The following FOXP1 variants were observed in gnomAD, a reference collection of about 807,000 sequenced individuals.
FOXP1 encodes forkhead box protein P1.
A neutral mutation model predicts 98.2 loss-of-function variants in FOXP1; 15 were observed. The ratio of observed to expected loss-of-function variants is 0.15; its 90% CI spans 0.10 to 0.24. The LOEUF is 0.24. Among genes scored for constraint, FOXP1 ranks in the 10% least tolerant of loss-of-function variants. The pLI is 1.00. For synonymous variants in FOXP1, 371 were observed against 314.5 expected, an observed-to-expected ratio of 1.18 and a Z score of -1.90; for missense variants, 633 against 848.5, an observed-to-expected ratio of 0.75 and a Z score of 3.15.
chr3:70,965,215 A>G (rs1211621755), intron 20 of FOXP1, among the ~76,000 whole-genome samples: 1 of 152,182 alleles, frequency 6.6e-6, no homozygotes, highest in Admixed American at 6.5e-5. Context: ...GTTCTCTCCC[A>G]TCACCCACTC....
intron 4 of FOXP1, among the ~76,000 whole-genome samples, chr3:71,314,247 C>T (rs2074912982): frequency 6.6e-6 from 1 of 152,066 alleles, no homozygotes; most frequent in African/African-American, 2.4e-5. Context: ...AAATAGCTGG[C>T]TGGCCAGGCA....
intron 3 of FOXP1, among the ~76,000 whole-genome samples, chr3:71,463,353 T>A (rs866575609): frequency 6.3e-4 from 29 of 45,670 alleles, no homozygotes; most frequent in Admixed American, 1.6e-3. Flanking sequence ...AGACACTGTC[T>A]CAAAAAAAAA....
At chr3:71,247,711 T>C (rs1482164580) in intron 5 of FOXP1, among the ~76,000 whole-genome samples, 1 of 152,188 alleles carries the variant, frequency 6.6e-6, no homozygotes, top group Admixed American at 6.5e-5. Flanking sequence ...TGATTTTTCT[T>C]TTGGGGAAAC....
intron 5 of FOXP1, among the ~76,000 whole-genome samples, chr3:71,204,748 T>TG (rs5849999): frequency 0.85 from 129,357 of 152,010 alleles, 55,070 homozygotes; most frequent in Admixed American, 0.91. Flanking sequence ...GGGCTACTCT[T>TG]AAGAAAAAAA....
intron 3 of FOXP1, among the ~76,000 whole-genome samples, chr3:71,370,404 C>G (rs1267432683): frequency 6.6e-6 from 1 of 152,114 alleles, no homozygotes; most frequent in African/African-American, 2.4e-5. Flanking sequence ...CCATGAGAAA[C>G]GAGGTCACCT....
chr3:71,148,175 G>A (rs937339513), intron 6 of FOXP1, among the ~76,000 whole-genome samples: 2 of 152,188 alleles, frequency 1.3e-5, no homozygotes, highest in Non-Finnish European at 2.9e-5. Flanking sequence ...TCAGGAGTTC[G>A]AGACCAGCCT....
intron 2 of FOXP1, among the ~76,000 whole-genome samples, chr3:71,544,000 CAT>C (rs1387512322): frequency 7.5e-5 from 6 of 79,714 alleles, no homozygotes; most frequent in Admixed American, 2.5e-4. Flanking sequence ...CATATACACA[CAT>C]GTATGTGTGT....
At chr3:71,467,373 T>C (rs1420558960) in intron 3 of FOXP1, among the ~76,000 whole-genome samples, 1 of 152,162 alleles carries the variant, frequency 6.6e-6, no homozygotes, top group Non-Finnish European at 1.5e-5. Flanking sequence ...GGTAGATGGA[T>C]GAAAAGACAA....
chr3:71,297,765 G>A (rs564317237), intron 5 of FOXP1, among the ~76,000 whole-genome samples: 7 of 151,158 alleles, frequency 4.6e-5, no homozygotes, highest in East Asian at 2.0e-4. Flanking sequence ...ACAGGTGCCC[G>A]CCACCACACC....
intron 6 of FOXP1, among the ~76,000 whole-genome samples, chr3:71,159,039 G>A (rs560440617): frequency 2.2e-4 from 33 of 149,308 alleles, no homozygotes; most frequent in East Asian, 5.9e-4. Context: ...CCAGGAGGTC[G>A]AGGTGCAGTA....
chr3:71,482,637 T>C (rs146641160), intron 3 of FOXP1, among the ~76,000 whole-genome samples: 50 of 152,132 alleles, frequency 3.3e-4, no homozygotes, highest in African/African-American at 1.2e-3. Context: ...TGACCTCAGG[T>C]GATCCAACCA....
Position 71,385,641 on chromosome 3 carries a change from T to C in FOXP1, c.-167-26397A>G, listed in dbSNP as rs537473900. Among the ~76,000 whole-genome samples, 7 of 152,284 alleles carry C rather than the reference T, an allele frequency of 4.6e-5. No individual in the cohort carries two copies. The East Asian group carries it at 1.2e-3, about 25-fold the overall frequency. Reference sequence around the variant, plus strand: ...ACACAGTAATACATATGAATGTATATAGGAATACATATATAAATATGTACA... The same window carrying C: ...ACACAGTAATACATATGAATGTATACAGGAATACATATATAAATATGTACA... On this transcript the variant is annotated intron_variant, in intron 3 of 20. Coordinates refer to ENST00000649528, the MANE Select transcript of FOXP1 (RefSeq NM_001349338.3).
chr3:71,397,439 C>T (rs1008400891), intron 3 of FOXP1, among the ~76,000 whole-genome samples: 2 of 152,120 alleles, frequency 1.3e-5, no homozygotes, highest in Non-Finnish European at 2.9e-5. Context: ...GGTATTGCTG[C>T]CTGCGGTTCT....
intron 6 of FOXP1, among the ~76,000 whole-genome samples, chr3:71,180,172 A>C (rs2062201105): frequency 6.6e-6 from 1 of 152,158 alleles, no homozygotes; most frequent in African/African-American, 2.4e-5. Context: ...TTAAAAAAAA[A>C]ACCCACCTTT....
chr3:71,168,491 C>T (rs756675847), intron 6 of FOXP1, among the ~76,000 whole-genome samples: 5 of 152,190 alleles, frequency 3.3e-5, no homozygotes, highest in African/African-American at 1.2e-4. Flanking sequence ...GCCAAATGGC[C>T]GGTAGACAAA....
At chr3:71,091,774 T>C (rs1420483161) in intron 7 of FOXP1, among the ~76,000 whole-genome samples, 1 of 152,144 alleles carries the variant, frequency 6.6e-6, no homozygotes, top group Non-Finnish European at 1.5e-5. Context: ...GAATTATTAA[T>C]AAAACAAAGA....
chr3:71,052,666 C>T (rs559766774), intron 8 of FOXP1, 40 bp from the exon 9 acceptor site: 17 of 885,250 alleles, frequency 1.9e-5, no homozygotes, highest in African/African-American at 1.5e-4. Flanking sequence ...CAGAGGGTAG[C>T]GCCAATCCAC....
chr3:71,121,263 C>T (rs1194615234), intron 6 of FOXP1, among the ~76,000 whole-genome samples: 1 of 151,218 alleles, frequency 6.6e-6, no homozygotes, highest in Non-Finnish European at 1.5e-5. Context: ...AAGGGGTCAG[C>T]AAACCCTGTA....
rs139377104 is a variant in FOXP1 at position 71,295,505 on chromosome 3, T to C, written c.-12+4315A>G. On this transcript the variant is annotated intron_variant, in intron 5 of 20. Coordinates refer to ENST00000649528, the MANE Select transcript of FOXP1 (RefSeq NM_001349338.3). ...AATTAGGGATGGAGTGGGGGGAAAA[T>C]TGCAATGATTCAACTTCCTTTTGAT... Among the ~76,000 whole-genome samples, 450 of 152,176 alleles carry C rather than the reference T, an allele frequency of 3.0e-3. 1 individual carries two copies. The highest frequency in any genetic ancestry group is 9.9e-3 in the African/African-American group (409 of 41,510).
Sources: allele counts gnomAD v4.1 joint callset (sites outside exome capture counted in the v4.1 genomes callset), GRCh38; gene constraint gnomAD v4.1.1; transcripts MANE v1.5; gene names NCBI Gene and HGNC (gene_info 2026-07-23, HGNC 2026-07-21).